XIRP2: variants seen among roughly 807,000 people sequenced by gnomAD.
XIRP2 encodes the protein xin actin-binding repeat-containing protein 2.
Under a neutral mutation model 277.0 loss-of-function variants are expected in XIRP2, and 236 were observed. That is an observed-to-expected ratio of 0.85 (90% confidence interval 0.77 to 0.95). The LOEUF (loss-of-function observed/expected upper bound fraction) is 0.95. Among genes scored for constraint, XIRP2 ranks in the 40% least tolerant of loss-of-function variants. XIRP2 has a pLI of 0.00. For missense variants in XIRP2, 4,640 were observed against 4,157.5 expected, an observed-to-expected ratio of 1.12 and a Z score of -3.19; for synonymous variants, 1,490 against 1,416.5, an observed-to-expected ratio of 1.05 and a Z score of -1.17.
intron 2 of XIRP2, among the ~76,000 whole-genome samples, chr2:166,971,240 G>A (rs1686568153): frequency 6.6e-6 from 1 of 151,966 alleles, no homozygotes; most frequent in Non-Finnish European, 1.5e-5. Context: ...CATCAGGGCA[G>A]GAACTATGGA....
intron 3 of XIRP2, among the ~76,000 whole-genome samples, chr2:167,165,560 T>C (rs1336361210): frequency 2.0e-5 from 3 of 152,244 alleles, no homozygotes; most frequent in Non-Finnish European, 4.4e-5. Context: ...TAGTGTTCTC[T>C]CATTGTTGTT....
At chr2:167,232,753 G>T (rs536608531) in intron 5 of XIRP2, among the ~76,000 whole-genome samples, 72 of 151,918 alleles carry the variant, frequency 4.7e-4, no homozygotes, top group African/African-American at 1.6e-3. Flanking sequence ...TTATTATTTG[G>T]TTTTTTGAAC....
At position 167,239,932 on chromosome 2, in the gene XIRP2, A is replaced by C. The variant is rs758924042; in HGVS notation, c.936A>C (p.Lys312Asn). 1.9e-6 allele frequency: 3 copies of C among 1,603,216 alleles called. No homozygotes were observed. The highest frequency in any genetic ancestry group is 2.5e-6 in the Non-Finnish European group (3 of 1,177,426). ...CAAGAAATGAACAAGAAGGGTCCAA[A>C]GTACAGAAAATTGATGTTCATGGAA... ...EMARNEQEGS[K>N]VQKIDVHGTE... Residue 312 changes from lysine (K) to asparagine (N), a missense_variant, in exon 6 of 11, where the codon AAA (lysine) becomes AAC (asparagine). By Grantham distance (94) the Lys-to-Asn change is moderately conservative (BLOSUM62 0). Coordinates refer to ENST00000409195, the MANE Select transcript of XIRP2 (RefSeq NM_152381.6).
intron 3 of XIRP2, among the ~76,000 whole-genome samples, chr2:167,154,818 G>A (rs975363558): frequency 1.5e-4 from 23 of 151,908 alleles, no homozygotes; most frequent in African/African-American, 5.1e-4. Flanking sequence ...CTGGTTTTTT[G>A]AAAGGATCAA....
rs148787831 is a variant in XIRP2, at chr2:167,258,654, A to G, written c.*837A>G. 1 of 1,611,568 alleles carries G rather than the reference A, an allele frequency of 6.2e-7. No individual in the cohort carries two copies. On this transcript the variant is annotated 3_prime_UTR_variant, in exon 11 of 11. Coordinates refer to ENST00000409195, the MANE Select transcript of XIRP2 (RefSeq NM_152381.6). ...ATGATGCCAGAAAATCATAAAGAAA[A>G]TTTGAATAAGAATAATAATAACAAT...
intron 3 of XIRP2, among the ~76,000 whole-genome samples, chr2:167,165,722 T>C (rs1249233422): frequency 6.6e-6 from 1 of 152,232 alleles, no homozygotes; most frequent in African/African-American, 2.4e-5. Context: ...GCATTCTTTG[T>C]ATATTTTGGA....
intron 2 of XIRP2, among the ~76,000 whole-genome samples, chr2:167,102,517 C>T (rs1308461049): frequency 6.6e-6 from 1 of 152,104 alleles, no homozygotes; most frequent in Non-Finnish European, 1.5e-5. Flanking sequence ...AGTTAGAACA[C>T]CCTCTGGGAG....
chr2:167,089,672 A>T (rs1305702916), intron 2 of XIRP2, among the ~76,000 whole-genome samples: 1 of 152,070 alleles, frequency 6.6e-6, no homozygotes, highest in African/African-American at 2.4e-5. Context: ...TTAAGTAAAC[A>T]TATGTGTGCG....
At chr2:167,010,845 G>A (rs1265383176) in intron 2 of XIRP2, among the ~76,000 whole-genome samples, 1 of 151,972 alleles carries the variant, frequency 6.6e-6, no homozygotes, top group African/African-American at 2.4e-5. Flanking sequence ...GTGAATGGGA[G>A]TTCACTCATG....
chr2:167,257,191 T>C (rs1375537117), intron 10 of XIRP2, among the ~76,000 whole-genome samples: 1 of 151,986 alleles, frequency 6.6e-6, no homozygotes, highest in African/African-American at 2.4e-5. Flanking sequence ...ACCATCATGC[T>C]GGCCTTGTGA....
At position 167,247,262 on chromosome 2, in the gene XIRP2, CG is replaced by C. The variant is rs1695302633; in HGVS notation, c.5873del (p.Gly1958GlufsTer52). On this transcript the variant is annotated frameshift_variant, in exon 9 of 11. Transcript: ENST00000409195. LOFTEE classifies it high-confidence loss of function. ...KDAKAVMAGS[S>X]GEQKTDIHQV... ...GCTAAAGCTGTGATGGCAGGATCCT[CG>C]GGAGAGCAGAAAACAGATATTCATC... 1 of 1,613,438 alleles carries C rather than the reference CG, an allele frequency of 6.2e-7. No homozygotes were observed. Among genetic ancestry groups the C allele is most frequent in the Non-Finnish European group, 8.5e-7 (1 of 1,179,796 alleles).
chr2:167,214,202 AAGAGAGGG>A (rs1439233394), intron 4 of XIRP2, among the ~76,000 whole-genome samples: 1 of 81,208 alleles, frequency 1.2e-5, no homozygotes, highest in Non-Finnish European at 2.2e-5. Context: ...GAGAGAGAGA[AAGAGAGGG>A]AGGGAGGGAG....
chr2:166,968,247 G>T (rs1443428251), intron 2 of XIRP2, among the ~76,000 whole-genome samples: 15 of 151,884 alleles, frequency 9.9e-5, no homozygotes. Flanking sequence ...ACATCATGAG[G>T]AGGTCTTTCC....
At chr2:167,177,227 G>A (rs1264238328) in intron 3 of XIRP2, among the ~76,000 whole-genome samples, 2 of 152,102 alleles carry the variant, frequency 1.3e-5, no homozygotes. Flanking sequence ...AACAATAATT[G>A]TCTCTAATCT....
chr2:166,893,792 G>GA (rs1411122743), intron 1 of XIRP2, among the ~76,000 whole-genome samples: 1 of 152,038 alleles, frequency 6.6e-6, no homozygotes, highest in Non-Finnish European at 1.5e-5. Context: ...TCTTAGATTT[G>GA]AACATGTGTT....
intron 5 of XIRP2, among the ~76,000 whole-genome samples, chr2:167,234,832 A>G (rs1405343455): frequency 1.3e-5 from 2 of 151,846 alleles, no homozygotes; most frequent in Non-Finnish European, 3.0e-5. Context: ...ATTGTCTTTC[A>G]GTGTCATCAT....
chr2:167,146,173 G>A (rs1041786704), intron 3 of XIRP2, among the ~76,000 whole-genome samples: 4 of 151,708 alleles, frequency 2.6e-5, no homozygotes, highest in African/African-American at 9.7e-5. Context: ...GCTGAAGAGA[G>A]AATTAATGAT....
chr2:166,891,328 G>A (rs79515927), intron 1 of XIRP2, among the ~76,000 whole-genome samples: 305 of 152,226 alleles, frequency 2.0e-3, no homozygotes, highest in African/African-American at 7.1e-3. Context: ...CAAATGCATT[G>A]TTCCTATCTC....
chr2:166,894,725 G>T (rs770889647), intron 1 of XIRP2, among the ~76,000 whole-genome samples: 1 of 152,126 alleles, frequency 6.6e-6, no homozygotes, highest in Non-Finnish European at 1.5e-5. Context: ...TGTTAGAAGC[G>T]AAGGATAAAC....
Sources: allele counts gnomAD v4.1 joint callset (sites outside exome capture counted in the v4.1 genomes callset), GRCh38; gene constraint gnomAD v4.1.1; transcripts MANE v1.5; gene names NCBI Gene and HGNC (gene_info 2026-07-23, HGNC 2026-07-21).